Variants in CLYBL observed in about 807,000 individuals in gnomAD.
The protein encoded by CLYBL is citramalyl-CoA lyase, mitochondrial.
Under a neutral mutation model 38.9 loss-of-function variants are expected in CLYBL, and 31 were observed. That is an observed-to-expected ratio of 0.80 (90% CI 0.60 to 1.08). The LOEUF is 1.08. Ranked by LOEUF, CLYBL falls within the 50% of genes least tolerant of loss-of-function variation. CLYBL has a pLI of 0.00. For synonymous variants in CLYBL, 171 were observed against 158.6 expected (o/e 1.08, Z -0.59); for missense variants, 434 against 411.6 (o/e 1.05, Z -0.47).
At chr13:99,612,646 C>T (rs1049460271) in intron 1 of CLYBL, among the ~76,000 whole-genome samples, 26 of 151,932 alleles carry the variant, frequency 1.7e-4, no homozygotes, top group Non-Finnish European at 2.9e-4. Context: ...CCTTGGCCTC[C>T]GAAAGTGCTG....
chr13:99,895,466 C>A (rs933831629), downstream of CLYBL: 1 of 152,192 alleles, frequency 6.6e-6, no homozygotes, highest in African/African-American at 2.4e-5. Flanking sequence ...CTCGTCTTCG[C>A]GGGGAGGCGG....
intron 1 of CLYBL, among the ~76,000 whole-genome samples, chr13:99,689,162 A>G (rs995603485): frequency 1.3e-5 from 2 of 152,164 alleles, no homozygotes; most frequent in Non-Finnish European, 2.9e-5. Context: ...CCTCCACTCA[A>G]AAATCTCTTA....
At chr13:99,895,776 T>A (rs2052568087), downstream of CLYBL, 1 of 152,244 alleles carries the variant, frequency 6.6e-6, no homozygotes, top group African/African-American at 2.4e-5. Context: ...GAAGCCGTCG[T>A]TAGCGCCCGG....
chr13:99,777,972 C>T (rs1419895435), intron 2 of CLYBL, among the ~76,000 whole-genome samples: 11 of 152,208 alleles, frequency 7.2e-5, no homozygotes, highest in Admixed American at 6.5e-4. Flanking sequence ...CTCACCTGCT[C>T]GTGTATGTCC....
chr13:99,695,532 T>G (rs1271118989), intron 1 of CLYBL, among the ~76,000 whole-genome samples: 4 of 152,248 alleles, frequency 2.6e-5, no homozygotes, highest in South Asian at 4.2e-4. Context: ...TTTTCCTTTT[T>G]GTTTTGAGAC....
At chr13:99,814,024 A>T (rs1201129193) in intron 2 of CLYBL, among the ~76,000 whole-genome samples, 3 of 152,068 alleles carry the variant, frequency 2.0e-5, no homozygotes, top group Admixed American at 2.0e-4. Flanking sequence ...TCTTTCACTA[A>T]TCCTTTCCAG....
intron 2 of CLYBL, among the ~76,000 whole-genome samples, chr13:99,782,254 G>A (rs2049673340): frequency 6.6e-6 from 1 of 151,996 alleles, no homozygotes; most frequent in Non-Finnish European, 1.5e-5. Context: ...CACCTGTAAT[G>A]CCATTACTTT....
intron 1 of CLYBL, among the ~76,000 whole-genome samples, chr13:99,620,837 AAAAAG>A (rs766248051): frequency 3.2e-4 from 38 of 118,158 alleles, no homozygotes; most frequent in Non-Finnish European, 5.7e-4. Context: ...AGAAAGAAAG[AAAAAG>A]AAAGAAAGAA....
At chr13:99,792,283 C>A (rs2049933587) in intron 2 of CLYBL, among the ~76,000 whole-genome samples, 1 of 152,124 alleles carries the variant, frequency 6.6e-6, no homozygotes, top group Non-Finnish European at 1.5e-5. Context: ...CTGAGCAAGA[C>A]CCACACACAG....
intron 7 of CLYBL, among the ~76,000 whole-genome samples, chr13:99,878,293 G>A (rs1362893186): frequency 2.0e-5 from 3 of 152,124 alleles, no homozygotes; most frequent in Non-Finnish European, 4.4e-5. Flanking sequence ...AAATCTTTCA[G>A]TCTCTTCTAG....
chr13:99,890,361 A>T (rs2052458391), intron 7 of CLYBL, among the ~76,000 whole-genome samples: 1 of 152,032 alleles, frequency 6.6e-6, no homozygotes, highest in African/African-American at 2.4e-5. Context: ...GAAGTTTTTT[A>T]AAAAATGAGT....
intron 1 of CLYBL, among the ~76,000 whole-genome samples, chr13:99,748,428 T>TG: frequency 1.5e-5 from 2 of 132,434 alleles, no homozygotes; most frequent in Non-Finnish European, 3.2e-5. Context: ...TCTAGTTTTG[T>TG]GTTTTTTTTT....
chr13:99,773,834 T>C (rs1758607706), intron 2 of CLYBL, among the ~76,000 whole-genome samples: 2 of 152,194 alleles, frequency 1.3e-5, no homozygotes, highest in South Asian at 4.1e-4. Flanking sequence ...CACCATTTTC[T>C]CTACTTAATT....
intron 1 of CLYBL, among the ~76,000 whole-genome samples, chr13:99,722,139 G>A (rs1284711823): frequency 6.6e-6 from 1 of 152,132 alleles, no homozygotes; most frequent in Non-Finnish European, 1.5e-5. Context: ...CTGTTTCTTT[G>A]GTGAGCATGG....
intron 1 of CLYBL, chr13:99,726,334 C>T (rs1338659187): frequency 6.6e-6 from 1 of 152,324 alleles, no homozygotes; most frequent in African/African-American, 2.4e-5. Context: ...CTTATATTTA[C>T]AATGATTATG....
chr13:99,714,540 C>T (rs1353472445), intron 1 of CLYBL, among the ~76,000 whole-genome samples: 4 of 152,146 alleles, frequency 2.6e-5, no homozygotes, highest in South Asian at 2.1e-4. Context: ...CTGCTTGAAC[C>T]GGGGAGGTAG....
intron 1 of CLYBL, among the ~76,000 whole-genome samples, chr13:99,661,970 G>A (rs754318140): frequency 4.6e-5 from 7 of 152,116 alleles, no homozygotes; most frequent in Non-Finnish European, 8.8e-5. Context: ...CTAAACTTTT[G>A]TGAAGAGAGA....
intron 1 of CLYBL, among the ~76,000 whole-genome samples, chr13:99,756,924 G>T (rs867878709): frequency 6.6e-6 from 1 of 152,116 alleles, no homozygotes; most frequent in African/African-American, 2.4e-5. Context: ...TTCAGACAGG[G>T]TTTCACTCTG....
chr13:99,887,203 G>C (rs140596421), intron 7 of CLYBL, among the ~76,000 whole-genome samples: 49 of 151,728 alleles, frequency 3.2e-4, no homozygotes, highest in African/African-American at 1.2e-3. Flanking sequence ...CACAAACCAC[G>C]TGGCACTGGG....
Sources: gnomAD v4.1 joint callset for allele counts (sites outside exome capture counted in the v4.1 genomes callset) on GRCh38, gnomAD v4.1.1 for gene constraint, MANE v1.5 for transcripts, NCBI Gene and HGNC (gene_info 2026-07-23, HGNC 2026-07-21) for gene names.